ASTN2: variants seen among roughly 807,000 people sequenced by gnomAD.
The protein encoded by ASTN2 is astrotactin 2.
In ASTN2, 54 loss-of-function variants were observed where a neutral mutation model predicts 139.8. That is an observed-to-expected ratio of 0.39 (90% confidence interval 0.31 to 0.48). The LOEUF (loss-of-function observed/expected upper bound fraction) is 0.48, where lower values mean the gene tolerates loss of function less well. Among genes scored for constraint, ASTN2 ranks in the 20% least tolerant of loss-of-function variants. The pLI is 0.95. For synonymous variants in ASTN2, 756 were observed against 719.5 expected (o/e 1.05, Z -0.81); for missense variants, 1,565 against 1,725.1 (o/e 0.91, Z 1.64).
At chr9:117,180,915 G>T (rs1435466980) in intron 3 of ASTN2, 57 of 1,593,410 alleles carry the variant, frequency 3.6e-5, no homozygotes, top group Non-Finnish European at 4.7e-5. Flanking sequence ...CATGCTCCTT[G>T]TTCTGCAGCT....
intron 19 of ASTN2, among the ~76,000 whole-genome samples, chr9:116,502,735 GAATGAAT>G (rs751920100): frequency 0.33 from 14,441 of 43,892 alleles, 1,632 homozygotes; most frequent in Non-Finnish European, 0.42. Flanking sequence ...AGGAAGGAAT[GAATGAAT>G]GAATGAGGGA....
At chr9:116,948,785 G>GTTTTTTTTTTTGTTTTTTTTTTTGTTTTT (rs1835471236) in intron 10 of ASTN2, among the ~76,000 whole-genome samples, 1 of 49,472 alleles carries the variant, frequency 2.0e-5, no homozygotes, top group African/African-American at 8.6e-5. Flanking sequence ...ATAATTTGGT[G>GTTTTTTTTTTTGTTTTTTTTTTTGTTTTT]TTTTTTTTTT....
At chr9:117,310,188 CTCAG>C (rs1045015126) in intron 1 of ASTN2, among the ~76,000 whole-genome samples, 2 of 152,132 alleles carry the variant, frequency 1.3e-5, no homozygotes, top group East Asian at 1.9e-4. Flanking sequence ...ATCACTTTTT[CTCAG>C]TCAAACACCT....
chr9:116,612,574 A>G (rs1289863350), intron 19 of ASTN2: 2 of 152,168 alleles, frequency 1.3e-5, no homozygotes, highest in Non-Finnish European at 2.9e-5. Flanking sequence ...ACTCACTCAA[A>G]ACCGCTCAAC....
chr9:116,928,489 C>G (rs1274918172), intron 10 of ASTN2, among the ~76,000 whole-genome samples: 1 of 152,180 alleles, frequency 6.6e-6, no homozygotes, highest in East Asian at 1.9e-4. Context: ...CCTCCCCTAA[C>G]CTTGTATGTA....
chr9:117,194,696 T>C (rs1831444637), intron 3 of ASTN2, among the ~76,000 whole-genome samples: 3 of 152,218 alleles, frequency 2.0e-5, no homozygotes, highest in Admixed American at 2.0e-4. Context: ...GTAATACATG[T>C]TGTGTTATCT....
At chr9:117,192,391 G>GAAAAAAAAAAAAA (rs56332042) in intron 3 of ASTN2, among the ~76,000 whole-genome samples, 1 of 149,556 alleles carries the variant, frequency 6.7e-6, no homozygotes, top group South Asian at 2.1e-4. Context: ...CAGTGGCAAA[G>GAAAAAAAAAAAAA]AAAAAAAAGA....
intron 3 of ASTN2, among the ~76,000 whole-genome samples, chr9:117,191,213 T>C (rs1459727577): frequency 8.0e-6 from 1 of 125,460 alleles, no homozygotes; most frequent in African/African-American, 2.9e-5. Context: ...TTGTTGATGT[T>C]GAATACAAAA....
Position 117,328,002 on chromosome 9 carries a change from C to G in ASTN2, c.443-36489G>C, listed in dbSNP as rs78206984. On this transcript the variant is annotated intron_variant, in intron 1 of 22. Transcript: ENST00000313400. ...AAGCCCAAAGGGAAAGTTAAAGGACCGAGCTTGGGAAATTTCAGTAGAGCT... is the reference window on the plus strand; with the variant it reads ...AAGCCCAAAGGGAAAGTTAAAGGACGGAGCTTGGGAAATTTCAGTAGAGCT... 9.5e-3 allele frequency among the ~76,000 whole-genome samples: 1,452 copies of G among 152,138 alleles called. 22 individuals are homozygous for G. The highest frequency in any genetic ancestry group is 0.034 in the African/African-American group (1,397 of 41,508).
chr9:116,563,210 T>C (rs56728425), intron 19 of ASTN2, among the ~76,000 whole-genome samples: 23,960 of 151,164 alleles, frequency 0.16, 2,069 homozygotes, highest in African/African-American at 0.21. Context: ...CCCGTCTCTA[T>C]TAAAAATACA....
intron 19 of ASTN2, among the ~76,000 whole-genome samples, chr9:116,576,659 T>C (rs1344374356): frequency 6.6e-6 from 1 of 151,930 alleles, no homozygotes; most frequent in East Asian, 1.9e-4. Flanking sequence ...GTTGGTACTC[T>C]GTGTGCCTGT....
intron 10 of ASTN2, among the ~76,000 whole-genome samples, chr9:116,941,716 T>C (rs1292271299): frequency 6.6e-6 from 1 of 152,088 alleles, no homozygotes; most frequent in Non-Finnish European, 1.5e-5. Flanking sequence ...AGTACATTTA[T>C]CAAATCTAAG....
intron 19 of ASTN2, among the ~76,000 whole-genome samples, chr9:116,534,925 T>C (rs1851544341): frequency 6.6e-6 from 1 of 152,220 alleles, no homozygotes; most frequent in Non-Finnish European, 1.5e-5. Context: ...TTGTTAACTT[T>C]CTGTCTCATT....
intron 1 of ASTN2, among the ~76,000 whole-genome samples, chr9:117,372,378 G>T (rs1384697862): frequency 6.6e-6 from 1 of 152,120 alleles, no homozygotes; most frequent in East Asian, 1.9e-4. Context: ...ACCTTCTGAT[G>T]CAATGGCTAG....
chr9:117,387,316 A>G (rs1300774707), intron 1 of ASTN2, among the ~76,000 whole-genome samples: 1 of 152,226 alleles, frequency 6.6e-6, no homozygotes, highest in East Asian at 1.9e-4. Flanking sequence ...ATGAGTTTTC[A>G]GTGAGTGAAT....
chr9:116,753,348 GGAGA>G (rs1829449053), intron 13 of ASTN2, among the ~76,000 whole-genome samples: 1 of 152,188 alleles, frequency 6.6e-6, no homozygotes, highest in Non-Finnish European at 1.5e-5. Flanking sequence ...AGGAGTTCAG[GGAGA>G]GAGGCAGAGA....
chr9:117,034,718 A>T (rs1838334790), intron 6 of ASTN2, among the ~76,000 whole-genome samples: 1 of 152,150 alleles, frequency 6.6e-6, no homozygotes, highest in Non-Finnish European at 1.5e-5. Context: ...ACCTAAATGC[A>T]GACGATTTGT....
intron 19 of ASTN2, among the ~76,000 whole-genome samples, chr9:116,526,852 A>G (rs1417737623): frequency 2.2e-4 from 33 of 152,204 alleles, no homozygotes; most frequent in Non-Finnish European, 1.5e-5. Context: ...GATGACACAA[A>G]GACCAATGAA....
chr9:116,779,499 ATAT>A (rs933657360), intron 13 of ASTN2, among the ~76,000 whole-genome samples: 200 of 28,206 alleles, frequency 7.1e-3, no homozygotes, highest in African/African-American at 0.011. Context: ...CCAGTCTCAG[ATAT>A]TTTTTTTTTT....
Sources: gnomAD v4.1 joint callset for allele counts (sites outside exome capture counted in the v4.1 genomes callset) on GRCh38, gnomAD v4.1.1 for gene constraint, MANE v1.5 for transcripts, NCBI Gene and HGNC (gene_info 2026-07-23, HGNC 2026-07-21) for gene names.